The following GABRG3 variants were observed in gnomAD, a reference collection of about 807,000 sequenced individuals.
The protein encoded by GABRG3 is gamma-aminobutyric acid receptor subunit gamma-3.
GABRG3 carries 25 observed loss-of-function variants against 48.8 expected under a neutral mutation model. That is an observed-to-expected ratio of 0.51 (90% CI 0.37 to 0.72). The LOEUF (loss-of-function observed/expected upper bound fraction) is 0.72, where lower values mean the gene tolerates loss of function less well. Among genes scored for constraint, GABRG3 ranks in the 30% least tolerant of loss-of-function variants. GABRG3 has a pLI of 0.00. For missense variants in GABRG3, 394 were observed against 577.9 expected (o/e 0.68, Z 3.26); for synonymous variants, 227 against 217.6 (o/e 1.04, Z -0.38).
At chr15:27,284,907 G>A (rs142081269) in intron 3 of GABRG3, among the ~76,000 whole-genome samples, 1 of 152,148 alleles carries the variant, frequency 6.6e-6, no homozygotes, top group African/African-American at 2.4e-5. Context: ...TCTTTTGGAG[G>A]TGAGAAACAG....
At chr15:27,356,769 T>C (rs186896318) in intron 5 of GABRG3, among the ~76,000 whole-genome samples, 12 of 152,272 alleles carry the variant, frequency 7.9e-5, no homozygotes, top group African/African-American at 2.9e-4. Context: ...GGCTGCCCAC[T>C]TTGAACATGA....
intron 3 of GABRG3, among the ~76,000 whole-genome samples, chr15:27,207,701 C>A (rs1888903024): frequency 6.6e-6 from 1 of 152,162 alleles, no homozygotes; most frequent in Non-Finnish European, 1.5e-5. Flanking sequence ...TGCACAGCTC[C>A]TTTGCTAGCG....
chr15:27,234,414 A>C (rs1262943291), intron 3 of GABRG3, among the ~76,000 whole-genome samples: 1 of 152,140 alleles, frequency 6.6e-6, no homozygotes, highest in Non-Finnish European at 1.5e-5. Context: ...CCGTCTTCTC[A>C]TCTGTACAAT....
At chr15:27,172,908 C>A (rs1467904342) in intron 3 of GABRG3, among the ~76,000 whole-genome samples, 1 of 152,162 alleles carries the variant, frequency 6.6e-6, no homozygotes, top group Non-Finnish European at 1.5e-5. Context: ...TCCTCTCGGG[C>A]CAACTGTGAT....
At chr15:27,155,835 C>T (rs1898409532) in intron 3 of GABRG3, among the ~76,000 whole-genome samples, 1 of 152,210 alleles carries the variant, frequency 6.6e-6, no homozygotes, top group South Asian at 2.1e-4. Flanking sequence ...AAATCAAACG[C>T]CTGTCTCCCT....
intron 3 of GABRG3, among the ~76,000 whole-genome samples, chr15:27,278,594 C>G (rs78929384): frequency 6.6e-6 from 1 of 152,128 alleles, no homozygotes; most frequent in African/African-American, 2.4e-5. Flanking sequence ...GCATAATTCC[C>G]TTGACATCTC....
chr15:27,283,997 C>T (rs559115227), intron 3 of GABRG3, among the ~76,000 whole-genome samples: 19 of 152,334 alleles, frequency 1.2e-4, no homozygotes, highest in Middle Eastern at 3.4e-3. Flanking sequence ...GAGACTTAGA[C>T]TTTCTTCTTT....
At chr15:27,478,654 C>A (rs1403341942) in intron 5 of GABRG3, among the ~76,000 whole-genome samples, 1 of 152,080 alleles carries the variant, frequency 6.6e-6, no homozygotes, top group African/African-American at 2.4e-5. Context: ...GGTGTATAAC[C>A]AAGAGAACTG....
At chr15:27,390,607 C>A (rs1162004689) in intron 5 of GABRG3, among the ~76,000 whole-genome samples, 2 of 152,170 alleles carry the variant, frequency 1.3e-5, no homozygotes. Context: ...CCTCTTGACT[C>A]TCAGCACGTC....
At chr15:27,260,188 T>G (rs1869598) in intron 3 of GABRG3, among the ~76,000 whole-genome samples, 87,190 of 152,000 alleles carry the variant, frequency 0.57, 26,248 homozygotes, top group Non-Finnish European at 0.67. Context: ...CCAGGATCAA[T>G]GTGTGGGCAG....
At chr15:27,525,282 A>T (rs981077950) in intron 7 of GABRG3, among the ~76,000 whole-genome samples, 3 of 152,138 alleles carry the variant, frequency 2.0e-5, no homozygotes, top group East Asian at 3.9e-4. Flanking sequence ...ATATTCACTC[A>T]TCCCTCCAAA....
At chr15:26,985,395 T>C (rs1895132718) in intron 2 of GABRG3, among the ~76,000 whole-genome samples, 1 of 152,152 alleles carries the variant, frequency 6.6e-6, no homozygotes, top group African/African-American at 2.4e-5. Context: ...TGGGGCTGTG[T>C]CCCCCAAATA....
chr15:27,021,367 C>T (rs944535062), intron 2 of GABRG3, among the ~76,000 whole-genome samples: 2 of 152,162 alleles, frequency 1.3e-5, no homozygotes, highest in African/African-American at 4.8e-5. Flanking sequence ...GAGGGTAAAT[C>T]ACACAGACCT....
At chr15:27,177,068 T>C (rs1887770237) in intron 3 of GABRG3, among the ~76,000 whole-genome samples, 1 of 151,938 alleles carries the variant, frequency 6.6e-6, no homozygotes. Context: ...ACTCAGAGGC[T>C]AGGGTTTTTA....
intron 5 of GABRG3, among the ~76,000 whole-genome samples, chr15:27,354,437 G>A (rs1310144035): frequency 6.6e-6 from 1 of 152,134 alleles, no homozygotes; most frequent in African/African-American, 2.4e-5. Context: ...CTTGACCCAT[G>A]CCTACATGGC....
intron 2 of GABRG3, among the ~76,000 whole-genome samples, chr15:27,005,227 A>G (rs915944899): frequency 6.6e-6 from 1 of 151,690 alleles, no homozygotes; most frequent in African/African-American, 2.4e-5. Context: ...TTTGAGATGG[A>G]GTCTCTCTCT....
chr15:27,221,593 G>A (rs1889455857), intron 3 of GABRG3, among the ~76,000 whole-genome samples: 1 of 152,014 alleles, frequency 6.6e-6, no homozygotes, highest in Admixed American at 6.6e-5. Context: ...ACAAAGGCTG[G>A]GGGGCTCCCA....
chr15:27,143,046 C>T (rs540755124), intron 3 of GABRG3, among the ~76,000 whole-genome samples: 24 of 152,270 alleles, frequency 1.6e-4, no homozygotes, highest in African/African-American at 5.3e-4. Flanking sequence ...TGAGCTGCTG[C>T]AGCTGATAAG....
At chr15:27,385,591 G>C (rs1895898318) in intron 5 of GABRG3, among the ~76,000 whole-genome samples, 1 of 152,034 alleles carries the variant, frequency 6.6e-6, no homozygotes, top group Non-Finnish European at 1.5e-5. Context: ...GGTTTTGAGA[G>C]TGGATCATCT....
Sources: allele counts gnomAD v4.1 joint callset (sites outside exome capture counted in the v4.1 genomes callset), GRCh38; gene constraint gnomAD v4.1.1; transcripts MANE v1.5; gene names NCBI Gene and HGNC (gene_info 2026-07-23, HGNC 2026-07-21).